The following THUMPD3 variants were observed in gnomAD, a reference collection of about 807,000 sequenced individuals.
The protein encoded by THUMPD3 is tRNA (guanine(6)-N(2))-methyltransferase THUMP3.
A neutral mutation model predicts 54.5 loss-of-function variants in THUMPD3; 44 were observed. That is an observed-to-expected ratio of 0.81 (90% CI 0.63 to 1.04). THUMPD3 has a LOEUF of 1.04. THUMPD3 is among the 50% of genes least tolerant of loss of function. THUMPD3 has a pLI of 0.00. For missense variants in THUMPD3, 604 were observed against 601.3 expected (o/e 1.00, Z -0.05); for synonymous variants, 196 against 201.4 (o/e 0.97, Z 0.23).
At chr3:9,380,734 T>C (rs913920127) in intron 7 of THUMPD3, 116 bp downstream of exon 7, 2 of 575,090 alleles carry the variant, frequency 3.5e-6, no homozygotes, top group Admixed American at 3.3e-5. Flanking sequence ...AAAATGAATA[T>C]ACTATGAGAC....
At chr3:9,373,365 A>C (rs566843512) in intron 4 of THUMPD3, among the ~76,000 whole-genome samples, 57 of 152,180 alleles carry the variant, frequency 3.7e-4, no homozygotes, top group African/African-American at 1.3e-3. Context: ...GTATGATGAC[A>C]GACACCTATA....
Position 9,385,216 on chromosome 3 carries a change from A to C in THUMPD3, c.*528A>C, listed in dbSNP as rs1353812939. 3 of 153,136 alleles carry C rather than the reference A, an allele frequency of 2.0e-5. No homozygotes were observed. The highest frequency in any genetic ancestry group is 7.2e-5 in the African/African-American group (3 of 41,456). 9.5% of individuals were successfully genotyped at this position (153,136 alleles called of 1,614,324 possible). A position where few individuals can be genotyped will look rare whatever the true frequency, so the allele number is the denominator to read the frequency against. ...GGTAGCTTAATTAGTATTTTGTTGA[A>C]AATACTTTAAAGATGCCTAGTGAAA... On this transcript the variant is annotated 3_prime_UTR_variant, in exon 10 of 10. Transcript: ENST00000452837.
intron 6 of THUMPD3, 138 bp from the exon 7 acceptor site, chr3:9,380,365 A>T (rs962795428): frequency 1.7e-6 from 1 of 602,872 alleles, no homozygotes; most frequent in African/African-American, 1.9e-5. Context: ...GGGCATTTTC[A>T]GCCAGGGAAA....
intron 5 of THUMPD3, 51 bp downstream of exon 5, chr3:9,374,697 G>T: frequency 6.2e-7 from 1 of 1,601,850 alleles, no homozygotes; most frequent in Non-Finnish European, 8.5e-7. Context: ...TGGTTTGAAT[G>T]TTCCCTTCAA....
chr3:9,372,591 A>G (rs911150310), intron 4 of THUMPD3, among the ~76,000 whole-genome samples: 2 of 152,112 alleles, frequency 1.3e-5, no homozygotes, highest in Non-Finnish European at 2.9e-5. Flanking sequence ...AAAAAAAAAA[A>G]AAGTGCATTT....
At chr3:9,365,842 G>A (rs564204395) in intron 2 of THUMPD3, among the ~76,000 whole-genome samples, 4 of 152,094 alleles carry the variant, frequency 2.6e-5, no homozygotes, top group African/African-American at 7.2e-5. Context: ...CACCCGCCTC[G>A]ACCTCCCAAA....
intron 6 of THUMPD3, among the ~76,000 whole-genome samples, chr3:9,378,988 T>C (rs1484369802): frequency 6.6e-6 from 1 of 152,098 alleles, no homozygotes; most frequent in Non-Finnish European, 1.5e-5. Context: ...ACATGAAGTT[T>C]GAGCCATTTC....
At chr3:9,370,656 G>A (rs2031958034) in intron 3 of THUMPD3, among the ~76,000 whole-genome samples, 1 of 152,124 alleles carries the variant, frequency 6.6e-6, no homozygotes, top group South Asian at 2.1e-4. Flanking sequence ...ATGTTGCCCA[G>A]TCTGGTCTCA....
chr3:9,376,220 A>T (rs977099115), intron 5 of THUMPD3, among the ~76,000 whole-genome samples: 1 of 152,208 alleles, frequency 6.6e-6, no homozygotes, highest in African/African-American at 2.4e-5. Flanking sequence ...GATAAAGAGA[A>T]ATCTTGGGGA....
At position 9,385,247 on chromosome 3, in the gene THUMPD3, A is replaced by G. The variant is rs1167507894; in HGVS notation, c.*559A>G. ...TTTAAAGATGCCTAGTGAAAAGCCT[A>G]CTAAAGTGCTGTGAGATTGGGGTTT... On this transcript the variant is annotated 3_prime_UTR_variant, in exon 10 of 10. Coordinates refer to ENST00000452837, the MANE Select transcript of THUMPD3 (RefSeq NM_001114092.2). The G allele has an allele frequency of 6.5e-6, 1 of 152,810 alleles. No homozygotes were observed. The highest frequency in any genetic ancestry group is 2.4e-5 in the African/African-American group (1 of 41,470). The allele number at this position is 152,810 out of a possible 1,614,324, so 9.5% of individuals were successfully genotyped here. A position where few individuals can be genotyped will look rare whatever the true frequency, so the allele number is the denominator to read the frequency against.
chr3:9,377,277 G>A (rs1342185647), intron 5 of THUMPD3, among the ~76,000 whole-genome samples: 1 of 152,056 alleles, frequency 6.6e-6, no homozygotes, highest in African/African-American at 2.4e-5. Flanking sequence ...AGAGTGAAAT[G>A]GGATTTTGGA....
chr3:9,375,347 T>C (rs1410380117), intron 5 of THUMPD3, among the ~76,000 whole-genome samples: 1 of 152,202 alleles, frequency 6.6e-6, no homozygotes, highest in Non-Finnish European at 1.5e-5. Flanking sequence ...GAGCTTTTAC[T>C]TATATTTTTA....
Position 9,365,025 on chromosome 3 carries a change from G to A in THUMPD3, c.-44G>A. 1 of 1,594,308 alleles carries A rather than the reference G, an allele frequency of 6.3e-7. No homozygotes were observed. The highest frequency in any genetic ancestry group is 1.1e-5 in the South Asian group (1 of 87,886). ...TCTTTTTCTTTTAAAGGACAGTACT[G>A]CTTTTAAAGAGACAGTGTTAGGGAT... On this transcript the variant is annotated 5_prime_UTR_variant, in exon 2 of 10. Coordinates refer to ENST00000452837, the MANE Select transcript of THUMPD3 (RefSeq NM_001114092.2).
chr3:9,368,542 T>C (rs1378220474), intron 3 of THUMPD3, among the ~76,000 whole-genome samples: 1 of 151,834 alleles, frequency 6.6e-6, no homozygotes, highest in Non-Finnish European at 1.5e-5. Context: ...TTTGTATTTT[T>C]AGTAGAGACG....
At position 9,386,378 on chromosome 3, in the gene THUMPD3, C is replaced by T. The variant is rs1208427366; in HGVS notation, c.*1690C>T. 4 of 135,368 alleles carry T rather than the reference C, an allele frequency of 3.0e-5. No homozygotes were observed. Among genetic ancestry groups the T allele is most frequent in the Admixed American group, 7.4e-5 (1 of 13,600 alleles). The allele number at this position is 135,368 out of a possible 1,614,324, so 8.4% of individuals were successfully genotyped here. A position where few individuals can be genotyped will look rare whatever the true frequency, so the allele number is the denominator to read the frequency against. Reference sequence around the variant, plus strand: ...TTTCACCACGATGTCTTTCCCCACCCCCCCACCCCCCACTCCACCCCCCAC... The same window carrying T: ...TTTCACCACGATGTCTTTCCCCACCTCCCCACCCCCCACTCCACCCCCCAC... On this transcript the variant is annotated 3_prime_UTR_variant, in exon 10 of 10. Transcript: ENST00000452837.
At chr3:9,382,010 C>G (rs1180741013) in intron 7 of THUMPD3, among the ~76,000 whole-genome samples, 1 of 151,670 alleles carries the variant, frequency 6.6e-6, no homozygotes, top group Non-Finnish European at 1.5e-5. Flanking sequence ...GTCTCAATCT[C>G]CTGACCTCAT....
intron 3 of THUMPD3, 81 bp from the exon 4 acceptor site, chr3:9,370,979 C>T: frequency 8.3e-7 from 1 of 1,211,100 alleles, no homozygotes; most frequent in Non-Finnish European, 1.2e-6. Flanking sequence ...CGGATACCAA[C>T]TGTCCATAAG....
intron 6 of THUMPD3, among the ~76,000 whole-genome samples, chr3:9,379,358 G>A (rs2032704156): frequency 6.6e-6 from 1 of 152,112 alleles, no homozygotes; most frequent in Non-Finnish European, 1.5e-5. Flanking sequence ...TGTAGACAGG[G>A]TATGTTATCA....
intron 8 of THUMPD3, 43 bp from the exon 9 acceptor site, chr3:9,384,169 G>GT (rs757175700): frequency 3.7e-6 from 6 of 1,600,080 alleles, no homozygotes; most frequent in Admixed American, 1.8e-5. Context: ...CTTCTATTTT[G>GT]TATCTTTTGC....
Sources: gnomAD v4.1 joint callset for allele counts (sites outside exome capture counted in the v4.1 genomes callset) on GRCh38, gnomAD v4.1.1 for gene constraint, MANE v1.5 for transcripts, NCBI Gene and HGNC (gene_info 2026-07-23, HGNC 2026-07-21) for gene names.